Variants in SLC9A8 observed in about 807,000 individuals in gnomAD.
The protein encoded by SLC9A8 is sodium/hydrogen exchanger 8.
In SLC9A8, 48 loss-of-function variants were observed where a neutral mutation model predicts 66.6. That is an observed-to-expected ratio of 0.72 (90% CI 0.57 to 0.92). SLC9A8 has a LOEUF of 0.92. Ranked by LOEUF, SLC9A8 falls within the 40% of genes least tolerant of loss-of-function variation. The probability of loss-of-function intolerance (pLI) is 0.00; values close to 1 mark genes in which losing one functional copy is unlikely to be tolerated. For missense variants in SLC9A8, 599 were observed against 747.3 expected, an observed-to-expected ratio of 0.80 and a Z score of 2.31; for synonymous variants, 274 against 282.6, an observed-to-expected ratio of 0.97 and a Z score of 0.31.
chr20:49,864,805 T>C lies in SLC9A8; in HGVS notation c.919T>C (p.Tyr307His), dbSNP rs758807708. ...LEFGMMIIFAYLPYGLAEGIS... is the reference protein window; with the variant it reads ...LEFGMMIIFAHLPYGLAEGIS... ...GTTTGGCATGATGATCATTTTTGCT[T>C]ATCTGCCTTATGGGCTTGCAGAAGG... The change falls in exon 10 of 16, where the codon TAT (tyrosine) becomes CAT (histidine). Residue 307 changes from tyrosine to histidine, a missense_variant. This residue lies in a region of SLC9A8 where 467 missense variants were observed against 626.5 expected (regional missense o/e 0.75). Transcript: ENST00000361573. 1 of 1,614,084 alleles carries C rather than the reference T, an allele frequency of 6.2e-7. No homozygotes were observed. Among genetic ancestry groups the C allele is most frequent in the Non-Finnish European group, 8.5e-7 (1 of 1,179,902 alleles).
intron 2 of SLC9A8, among the ~76,000 whole-genome samples, chr20:49,817,887 C>G (rs6020066): frequency 6.6e-6 from 1 of 151,932 alleles, no homozygotes; most frequent in Non-Finnish European, 1.5e-5. Context: ...TGATAGTAGT[C>G]GAAGACAAAG....
chr20:49,835,470 C>T (rs907343750), intron 3 of SLC9A8, among the ~76,000 whole-genome samples: 2 of 152,012 alleles, frequency 1.3e-5, no homozygotes, highest in African/African-American at 4.8e-5. Context: ...ATTTTCATTA[C>T]CCCAAAAAGA....
chr20:49,872,554 C>T (rs974671671), intron 10 of SLC9A8, among the ~76,000 whole-genome samples: 2 of 151,718 alleles, frequency 1.3e-5, no homozygotes, highest in African/African-American at 4.8e-5. Flanking sequence ...GCCGCAATCT[C>T]GGCTCACTGC....
At chr20:49,837,714 C>T (rs1382455447) in intron 3 of SLC9A8, among the ~76,000 whole-genome samples, 4 of 152,000 alleles carry the variant, frequency 2.6e-5, no homozygotes, top group Admixed American at 1.3e-4. Flanking sequence ...GGATTAGAGG[C>T]GCCCGCCATG....
intron 3 of SLC9A8, among the ~76,000 whole-genome samples, chr20:49,835,340 A>T (rs551451143): frequency 9.9e-4 from 150 of 152,046 alleles, no homozygotes; most frequent in African/African-American, 3.5e-3. Context: ...TTGTGATTTT[A>T]AAAAAAAGGT....
At chr20:49,842,601 C>G (rs924233903) in intron 4 of SLC9A8, among the ~76,000 whole-genome samples, 3 of 152,150 alleles carry the variant, frequency 2.0e-5, no homozygotes, top group Non-Finnish European at 4.4e-5. Context: ...GGCTGACTCT[C>G]TCAATCCATG....
In SLC9A8 at chr20:49,861,445, A is replaced by C. The variant is rs60121401; in HGVS notation, c.714-1484A>C. 7.1e-3 allele frequency among the ~76,000 whole-genome samples: 1,074 copies of C among 152,266 alleles called. 20 individuals carry two copies. The highest frequency in any genetic ancestry group is 0.024 in the African/African-American group (995 of 41,532). ...TGTGGTCTCAGCTACTCTGGGGCTG[A>C]GGTGGGAGGATCACATGAGCCTGGG... On this transcript the variant is annotated intron_variant, in intron 8 of 15. Transcript: ENST00000361573.
chr20:49,869,831 C>CA (rs3091941), intron 10 of SLC9A8, among the ~76,000 whole-genome samples: 38 of 148,892 alleles, frequency 2.6e-4, no homozygotes, highest in African/African-American at 5.4e-4. Context: ...GACTCCATCT[C>CA]AAAAAAAAAA....
In SLC9A8 at chr20:49,823,150, G is replaced by C. The variant is rs977904885; in HGVS notation, c.289+9G>C. The C allele has an allele frequency of 1.9e-6, 3 of 1,599,742 alleles. No homozygotes were observed. In the African/African-American group the frequency reaches 4.0e-5, roughly 21 times the overall value. ...TGCTGTTGTTTCTTTAGGTAAGTGT[G>C]TATTGGTGATTCCATAATAAAAGCA... On this transcript the variant is annotated intron_variant, in intron 3 of 15. Transcript: ENST00000361573.
intron 3 of SLC9A8, among the ~76,000 whole-genome samples, chr20:49,837,724 G>A (rs1169066145): frequency 6.6e-6 from 1 of 151,988 alleles, no homozygotes; most frequent in African/African-American, 2.4e-5. Context: ...CGCCCGCCAT[G>A]CCCGGCTAAT....
intron 3 of SLC9A8, among the ~76,000 whole-genome samples, chr20:49,835,459 C>G (rs1047107894): frequency 6.6e-6 from 1 of 152,052 alleles, no homozygotes; most frequent in East Asian, 1.9e-4. Context: ...AATTCCAGAA[C>G]ATTTTCATTA....
At chr20:49,866,253 T>C (rs1006644364) in intron 10 of SLC9A8, among the ~76,000 whole-genome samples, 17 of 152,222 alleles carry the variant, frequency 1.1e-4, no homozygotes, top group Non-Finnish European at 2.2e-4. Flanking sequence ...TGTTTTTGCG[T>C]GTGGCAGTAG....
intron 12 of SLC9A8, among the ~76,000 whole-genome samples, chr20:49,878,599 T>C (rs991610769): frequency 2.9e-4 from 44 of 152,254 alleles, no homozygotes; most frequent in Non-Finnish European, 1.5e-4. Flanking sequence ...TATAAGATAT[T>C]GTTCCTGCAA....
rs2089388902 is a variant in SLC9A8 at position 49,875,485 on chromosome 20, A to G, written c.1075+664A>G. ...TATTCACAAGAGCAGCCTGAGGGAC[A>G]TCACTCGGGGACAGTTCGCAGTAGA... On this transcript the variant is annotated intron_variant, in intron 11 of 15. Coordinates refer to ENST00000361573, the MANE Select transcript of SLC9A8 (RefSeq NM_015266.3). 2.0e-5 allele frequency among the ~76,000 whole-genome samples: 3 copies of G among 152,214 alleles called. No homozygotes were observed. The South Asian group carries it at 6.2e-4, about 32-fold the overall frequency.
At chr20:49,849,248 G>C (rs190525106) in intron 5 of SLC9A8, among the ~76,000 whole-genome samples, 315 of 152,268 alleles carry the variant, frequency 2.1e-3, no homozygotes, top group East Asian at 9.3e-3. Context: ...TGGAAATAGG[G>C]GTCCAGGTGA....
rs1303455790 is a variant in SLC9A8, at chr20:49,883,922, C to T, written c.1347C>T (p.Gly449=). The T allele has an allele frequency of 1.9e-6, 3 of 1,611,792 alleles. No individual in the cohort carries two copies. The highest frequency in any genetic ancestry group is 2.5e-6 in the Non-Finnish European group (3 of 1,179,974). ...LEPMEKRQLI[G]TTTIVIVLFT... is the part of the protein sequence containing the mutation. ...CCATGGAGAAGCGGCAGCTCATCGG[C>T]ACCACCACCATCGTCATCGTGCTCT... Residue 449 remains glycine, a synonymous_variant, in exon 14 of 16, where the codon GGC becomes GGT. Transcript: ENST00000361573.
intron 2 of SLC9A8, among the ~76,000 whole-genome samples, chr20:49,821,064 T>C (rs1317298283): frequency 6.6e-6 from 1 of 152,220 alleles, no homozygotes; most frequent in African/African-American, 2.4e-5. Flanking sequence ...GCAAATATTT[T>C]CTCCCCTTCT....
At chr20:49,879,010 C>T (rs1488662093) in intron 12 of SLC9A8, among the ~76,000 whole-genome samples, 1 of 151,480 alleles carries the variant, frequency 6.6e-6, no homozygotes, top group South Asian at 2.1e-4. Context: ...GCAAAAAGAG[C>T]GAAAGTCCAT....
At chr20:49,813,307 C>T (rs1159428673) in intron 1 of SLC9A8, among the ~76,000 whole-genome samples, 1 of 152,232 alleles carries the variant, frequency 6.6e-6, no homozygotes, top group African/African-American at 2.4e-5. Flanking sequence ...ACACCCACCT[C>T]CTACGTAGCC....
Sources: allele counts gnomAD v4.1 joint callset (sites outside exome capture counted in the v4.1 genomes callset), GRCh38; gene constraint gnomAD v4.1.1; regional missense constraint gnomAD v4.1.1; transcripts MANE v1.5; gene names NCBI Gene and HGNC (gene_info 2026-07-23, HGNC 2026-07-21).